Variants in TBCK observed in about 807,000 individuals in gnomAD.
TBCK encodes TBC1 domain containing kinase, also known as TBC domain-containing protein kinase-like protein.
TBCK carries 99 observed loss-of-function variants against 113.4 expected under a neutral mutation model. That is an observed-to-expected ratio of 0.87 (90% CI 0.74 to 1.03). The LOEUF (loss-of-function observed/expected upper bound fraction) is 1.03, where lower values mean the gene tolerates loss of function less well. Ranked by LOEUF, TBCK falls within the 50% of genes least tolerant of loss-of-function variation. TBCK has a pLI of 0.00. For missense variants in TBCK, 1,045 were observed against 1,061.3 expected (o/e 0.98, Z 0.21); for synonymous variants, 369 against 370.8 (o/e 1.00, Z 0.05).
chr4:106,077,724 C>G (rs1453013919), intron 25 of TBCK, among the ~76,000 whole-genome samples: 1 of 152,190 alleles, frequency 6.6e-6, no homozygotes, highest in African/African-American at 2.4e-5. Flanking sequence ...GAGATTTCAA[C>G]ACCACCTTGA....
chr4:106,084,317 C>T (rs1739247747), intron 25 of TBCK, among the ~76,000 whole-genome samples: 1 of 151,978 alleles, frequency 6.6e-6, no homozygotes, highest in Non-Finnish European at 1.5e-5. Flanking sequence ...CCAAACTGAC[C>T]ACATGGAAGA....
chr4:106,248,593 T>C (rs1419988037), intron 8 of TBCK, among the ~76,000 whole-genome samples: 5 of 152,206 alleles, frequency 3.3e-5, no homozygotes, highest in Non-Finnish European at 7.3e-5. Flanking sequence ...TGAAACTTAA[T>C]GGCCAATGTG....
intron 22 of TBCK, among the ~76,000 whole-genome samples, chr4:106,183,572 C>G (rs1012195499): frequency 2.6e-5 from 4 of 152,058 alleles, no homozygotes; most frequent in Admixed American, 6.6e-5. Flanking sequence ...GTGCATAATA[C>G]TGTGCCTGTC....
intron 23 of TBCK, among the ~76,000 whole-genome samples, chr4:106,168,771 C>G (rs994116465): frequency 6.6e-6 from 1 of 151,770 alleles, no homozygotes; most frequent in African/African-American, 2.4e-5. Flanking sequence ...AGATATAAGT[C>G]TAACTATATA....
intron 14 of TBCK, 141 bp from the exon 15 acceptor site, chr4:106,235,508 T>C: frequency 2.1e-6 from 1 of 477,906 alleles, no homozygotes; most frequent in Non-Finnish European, 3.6e-6. Flanking sequence ...GTGTCTGGTG[T>C]TATTAATACA....
At chr4:106,070,866 T>A (rs1177589805) in intron 25 of TBCK, among the ~76,000 whole-genome samples, 1 of 152,236 alleles carries the variant, frequency 6.6e-6, no homozygotes, top group Non-Finnish European at 1.5e-5. Flanking sequence ...CCTGGTTTAG[T>A]CTTGGGAGGA....
chr4:106,168,902 T>G (rs1239913695), intron 23 of TBCK, among the ~76,000 whole-genome samples: 3 of 151,938 alleles, frequency 2.0e-5, no homozygotes, highest in Non-Finnish European at 4.4e-5. Context: ...ATATCTCTAG[T>G]TCCAAAATCC....
At chr4:106,174,363 T>C (rs1361303495) in intron 22 of TBCK, among the ~76,000 whole-genome samples, 1 of 152,144 alleles carries the variant, frequency 6.6e-6, no homozygotes, top group Non-Finnish European at 1.5e-5. Context: ...ATCATTAATC[T>C]GCCCTTGACT....
intron 22 of TBCK, among the ~76,000 whole-genome samples, chr4:106,183,426 T>C (rs1192370380): frequency 6.6e-6 from 1 of 152,024 alleles, no homozygotes; most frequent in East Asian, 1.9e-4. Flanking sequence ...TATCCTCTAC[T>C]AACATCCTAT....
chr4:106,120,735 A>T (rs1198458284), intron 23 of TBCK, among the ~76,000 whole-genome samples: 2 of 152,130 alleles, frequency 1.3e-5, no homozygotes. Context: ...GGGTATTCTA[A>T]CAGACCTGTA....
intron 23 of TBCK, among the ~76,000 whole-genome samples, chr4:106,143,045 A>G (rs540406072): frequency 1.3e-5 from 2 of 152,278 alleles, no homozygotes; most frequent in African/African-American, 4.8e-5. Flanking sequence ...ATATCATGAC[A>G]ATGTTATTTT....
At position 106,137,438 on chromosome 4, in the gene TBCK, G is replaced by C. The variant is rs1376249853; in HGVS notation, c.2236-21060C>G. Among the ~76,000 whole-genome samples, 2 of 139,736 alleles carry C rather than the reference G, an allele frequency of 1.4e-5. 1 individual carries two copies. Among genetic ancestry groups the C allele is most frequent in the Non-Finnish European group, 3.2e-5 (2 of 61,580 alleles). 91.7% of individuals were successfully genotyped at this position (139,736 alleles called of 152,430 possible). On this transcript the variant is annotated intron_variant, in intron 23 of 25. Transcript: ENST00000394708. ...TAGGTATTTCAAGCTCATGCAAGAG[G>C]GGGTACAGGCTTTGTAAATGGCACA...
intron 2 of TBCK, among the ~76,000 whole-genome samples, chr4:106,297,954 C>G (rs72878535): frequency 0.027 from 4,090 of 152,266 alleles, 177 homozygotes; most frequent in African/African-American, 0.094. Flanking sequence ...TAGTGTGTGG[C>G]ACATAACAAG....
At chr4:106,187,635 C>T (rs940999474) in intron 22 of TBCK, among the ~76,000 whole-genome samples, 5 of 152,058 alleles carry the variant, frequency 3.3e-5, no homozygotes, top group Admixed American at 6.6e-5. Flanking sequence ...AGGCTGGTCT[C>T]GAACTCCTGA....
chr4:106,162,149 ACAGGGCTACAGGC>A (rs1749874817), intron 23 of TBCK, among the ~76,000 whole-genome samples: 1 of 152,142 alleles, frequency 6.6e-6, no homozygotes, highest in African/African-American at 2.4e-5. Flanking sequence ...GGCCAAAACA[ACAGGGCTACAGGC>A]CTCATGCAAG....
At chr4:106,298,967 C>T (rs1352271403) in intron 2 of TBCK, among the ~76,000 whole-genome samples, 1 of 152,116 alleles carries the variant, frequency 6.6e-6, no homozygotes, top group South Asian at 2.1e-4. Flanking sequence ...AACATATCCC[C>T]TGAGGAAAAG....
intron 12 of TBCK, among the ~76,000 whole-genome samples, chr4:106,239,882 G>A: frequency 6.6e-6 from 1 of 151,894 alleles, no homozygotes; most frequent in East Asian, 1.9e-4. Context: ...TTTATTTTAT[G>A]AGACTAGTAT....
chr4:106,169,146 A>G (rs1236572022), intron 23 of TBCK, among the ~76,000 whole-genome samples: 1 of 152,114 alleles, frequency 6.6e-6, no homozygotes, highest in Admixed American at 6.6e-5. Context: ...TCCCAAATTG[A>G]TATGTAGATT....
intron 3 of TBCK, among the ~76,000 whole-genome samples, chr4:106,287,790 C>T (rs1354564802): frequency 6.6e-6 from 1 of 152,132 alleles, no homozygotes; most frequent in Non-Finnish European, 1.5e-5. Context: ...TCCAGAAAAG[C>T]TTTTATAACA....
Sources: allele counts gnomAD v4.1 joint callset (sites outside exome capture counted in the v4.1 genomes callset), GRCh38; gene constraint gnomAD v4.1.1; transcripts MANE v1.5; gene names NCBI Gene and HGNC (gene_info 2026-07-23, HGNC 2026-07-21).